WDR19: variants seen among roughly 807,000 people sequenced by gnomAD.
WDR19 encodes the protein WD repeat-containing protein 19.
In WDR19, 121 loss-of-function variants were observed where a neutral mutation model predicts 180.0. That is an observed-to-expected ratio of 0.67 (90% CI 0.58 to 0.78). The LOEUF (loss-of-function observed/expected upper bound fraction) is 0.78, where lower values mean the gene tolerates loss of function less well. WDR19 is among the 30% of genes least tolerant of loss of function. WDR19 has a pLI of 0.00. For missense variants in WDR19, 1,450 were observed against 1,640.7 expected, an observed-to-expected ratio of 0.88 and a Z score of 2.01; for synonymous variants, 497 against 540.7, an observed-to-expected ratio of 0.92 and a Z score of 1.12.
At chr4:39,198,104 A>C (rs1726963170) in intron 5 of WDR19, among the ~76,000 whole-genome samples, 1 of 152,046 alleles carries the variant, frequency 6.6e-6, no homozygotes, top group Non-Finnish European at 1.5e-5. Context: ...CAGCTTCCCA[A>C]AGTGCTGGGA....
At chr4:39,192,145 T>C (rs1409737898) in intron 4 of WDR19, among the ~76,000 whole-genome samples, 1 of 152,220 alleles carries the variant, frequency 6.6e-6, no homozygotes. Context: ...TGATAAACTA[T>C]TGAATGGACT....
intron 15 of WDR19, 70 bp downstream of exon 15, chr4:39,225,103 T>C: frequency 7.9e-7 from 1 of 1,272,026 alleles, no homozygotes; most frequent in Non-Finnish European, 1.0e-6. Flanking sequence ...GTTTAAAGCC[T>C]ATCTCATGTA....
At chr4:39,226,964 A>G (rs1289190076) in intron 15 of WDR19, among the ~76,000 whole-genome samples, 1 of 152,204 alleles carries the variant, frequency 6.6e-6, no homozygotes, top group African/African-American at 2.4e-5. Context: ...CCTTGCCAGC[A>G]TCTATTGTTT....
In WDR19 at chr4:39,244,381, A is replaced by G. The variant is rs765986147; in HGVS notation, c.2555A>G (p.Asn852Ser). ...AGAGACTGTGGAGCCATATTGGAGA[A>G]TATGAAGGTCCTCTTTTCTCTGCAT... Reference protein sequence around the residue: ...LKRDCGAILENMKQFSEAAQL... With the variant: ...LKRDCGAILESMKQFSEAAQL... The change falls in exon 22 of 37, where the codon AAT (asparagine) becomes AGT (serine). Residue 852 changes from asparagine to serine, a missense_variant. Coordinates refer to ENST00000399820, the MANE Select transcript of WDR19 (RefSeq NM_025132.4). The G allele has an allele frequency of 6.2e-7, 1 of 1,613,992 alleles. No individual in the cohort carries two copies. The highest frequency in any genetic ancestry group is 8.5e-7 in the Non-Finnish European group (1 of 1,179,864).
chr4:39,262,122 G>A (rs2109469219), intron 28 of WDR19, among the ~76,000 whole-genome samples: 1 of 152,276 alleles, frequency 6.6e-6, no homozygotes, highest in Non-Finnish European at 1.5e-5. Flanking sequence ...GGTGCCAGAA[G>A]ATGATATGAC....
chr4:39,228,008 C>T (rs1730450454), intron 15 of WDR19, among the ~76,000 whole-genome samples: 1 of 152,016 alleles, frequency 6.6e-6, no homozygotes, highest in Admixed American at 6.6e-5. Flanking sequence ...CTTGGCTTTT[C>T]CAAATAACTA....
chr4:39,263,170 G>A (rs1280265036), intron 28 of WDR19, among the ~76,000 whole-genome samples: 1 of 151,858 alleles, frequency 6.6e-6, no homozygotes, highest in Non-Finnish European at 1.5e-5. Flanking sequence ...AGATGATGGG[G>A]AAGGTGGGGC....
At chr4:39,238,269 T>G (rs1470972654) in intron 20 of WDR19, among the ~76,000 whole-genome samples, 2 of 152,200 alleles carry the variant, frequency 1.3e-5, no homozygotes, top group East Asian at 3.8e-4. Flanking sequence ...TCATTATGCA[T>G]CCAAGACAGT....
intron 17 of WDR19, among the ~76,000 whole-genome samples, chr4:39,229,973 C>T (rs1337106287): frequency 6.6e-6 from 1 of 152,182 alleles, no homozygotes; most frequent in Non-Finnish European, 1.5e-5. Flanking sequence ...AGGCCCTCAC[C>T]TGGAATAATG....
At position 39,228,563 on chromosome 4, in the gene WDR19, A is replaced by C. The variant is rs543254396; in HGVS notation, c.1855A>C (p.Thr619Pro). ...TTTGCTGCTATATAATGGAGAGCTG[A>C]CCTGCCAAACACAGAGTGGAAAAGT... ...KPLLLYNGEL[T>P]CQTQSGKVNN... is the part of the protein sequence containing the mutation. Residue 619 changes from threonine (T) to proline (P), a missense_variant, in exon 17 of 37, where the codon ACC becomes CCC. Coordinates refer to ENST00000399820, the MANE Select transcript of WDR19 (RefSeq NM_025132.4). 6.2e-7 allele frequency: 1 copy of C among 1,613,974 alleles called. No homozygotes were observed. Among genetic ancestry groups the C allele is most frequent in the South Asian group, 1.1e-5 (1 of 91,082 alleles).
intron 12 of WDR19, 104 bp downstream of exon 12, chr4:39,216,314 T>A: frequency 1.1e-6 from 1 of 890,620 alleles, no homozygotes; most frequent in East Asian, 2.8e-5. Flanking sequence ...CACTCTTTTT[T>A]ATTCACATAT....
At chr4:39,198,286 T>C (rs919412337) in intron 5 of WDR19, among the ~76,000 whole-genome samples, 4 of 151,726 alleles carry the variant, frequency 2.6e-5, no homozygotes, top group African/African-American at 7.3e-5. Context: ...CGGCCGGGAG[T>C]GGTGGCTCAC....
chr4:39,284,689 A>ATAAC (rs1161148940), intron 36 of WDR19, among the ~76,000 whole-genome samples: 3 of 151,188 alleles, frequency 2.0e-5, no homozygotes, highest in East Asian at 1.9e-4. Flanking sequence ...TCCCAAGTTT[A>ATAAC]TAACTGTTAT....
chr4:39,216,914 A>C (rs1729126807), intron 12 of WDR19, among the ~76,000 whole-genome samples: 1 of 152,238 alleles, frequency 6.6e-6, no homozygotes, highest in Non-Finnish European at 1.5e-5. Flanking sequence ...GTTTCAGGTA[A>C]ACCATAATGG....
chr4:39,193,132 C>T (rs1484825064), intron 4 of WDR19, among the ~76,000 whole-genome samples: 3 of 151,844 alleles, frequency 2.0e-5, no homozygotes, highest in Non-Finnish European at 4.4e-5. Flanking sequence ...TGTTACTACT[C>T]CCTTACTTGC....
In WDR19 at chr4:39,284,198, T is replaced by C. The variant is rs561012513; in HGVS notation, c.*14-1289T>C. Reference sequence around the variant, plus strand: ...TTCTCATTCTGGAACTCCAGTAATATCTGTGTTTGACTACTTGATGTCAAG... The same window carrying C: ...TTCTCATTCTGGAACTCCAGTAATACCTGTGTTTGACTACTTGATGTCAAG... On this transcript the variant is annotated intron_variant, in intron 36 of 36. Transcript: ENST00000399820. Among the ~76,000 whole-genome samples the C allele has an allele frequency of 9.9e-5, 15 of 152,230 alleles. No homozygotes were observed. In the South Asian group the frequency reaches 3.1e-3, roughly 32 times the overall value.
intron 14 of WDR19, among the ~76,000 whole-genome samples, chr4:39,223,326 TTTTTTGTTTTTG>T (rs1159301160): frequency 9.9e-5 from 15 of 152,240 alleles, no homozygotes; most frequent in African/African-American, 3.1e-4. Flanking sequence ...TTGTTTTTCA[TTTTTTGTTTTTG>T]TTTTTGTTTT....
chr4:39,237,958 G>A (rs1731539347), intron 20 of WDR19: 1 of 152,152 alleles, frequency 6.6e-6, no homozygotes, highest in Non-Finnish European at 1.5e-5. Context: ...TCTCAAACTT[G>A]TCTCATTATG....
chr4:39,194,728 A>C (rs1726539343), intron 5 of WDR19, 69 bp downstream of exon 5: 1 of 1,235,854 alleles, frequency 8.1e-7, no homozygotes. Context: ...CTGCCGCCTC[A>C]GGTTTCCCTG....
Sources: allele counts gnomAD v4.1 joint callset (sites outside exome capture counted in the v4.1 genomes callset), GRCh38; gene constraint gnomAD v4.1.1; transcripts MANE v1.5; gene names NCBI Gene and HGNC (gene_info 2026-07-23, HGNC 2026-07-21).